The following MAF variants were observed in gnomAD, a reference collection of about 807,000 sequenced individuals.
The protein encoded by MAF is transcription factor Maf.
In MAF, 10 loss-of-function variants were observed where a neutral mutation model predicts 22.0. The observed-to-expected ratio is 0.45, with a 90% CI of 0.28 to 0.77. The LOEUF (loss-of-function observed/expected upper bound fraction) is 0.77. MAF is among the 30% of genes least tolerant of loss of function. MAF has a pLI of 0.12. For missense variants in MAF, 544 were observed against 548.4 expected, an observed-to-expected ratio of 0.99 and a Z score of 0.08; for synonymous variants, 337 against 255.8, an observed-to-expected ratio of 1.32 and a Z score of -3.03.
the MAF span, among the ~76,000 whole-genome samples, chr16:79,409,587 T>G: frequency 9.2e-5 from 14 of 152,336 alleles, no homozygotes; most frequent in African/African-American, 2.6e-4. Context: ...AGGAGTGATT[T>G]GATTTACACG....
chr16:79,409,118 G>T, the MAF span, among the ~76,000 whole-genome samples: 1 of 151,910 alleles, frequency 6.6e-6, no homozygotes, highest in Non-Finnish European at 1.5e-5. Context: ...TCAAACAAAA[G>T]GTGTCCAGGT....
chr16:79,537,533 C>T, the MAF span, among the ~76,000 whole-genome samples: 1 of 152,194 alleles, frequency 6.6e-6, no homozygotes, highest in African/African-American at 2.4e-5. Context: ...AGACTCATGC[C>T]TATGTTCCTG....
chr16:79,479,274 A>G, the MAF span, among the ~76,000 whole-genome samples: 2 of 152,128 alleles, frequency 1.3e-5, no homozygotes. Context: ...ATACCTTTCT[A>G]CCATCCTGTT....
the MAF span, among the ~76,000 whole-genome samples, chr16:79,540,350 C>T: frequency 3.3e-3 from 506 of 152,172 alleles, 4 homozygotes; most frequent in Non-Finnish European, 5.2e-3. Flanking sequence ...AGTCCCTGCG[C>T]TCTGGTGTCA....
At chr16:79,516,990 A>G in the MAF span, among the ~76,000 whole-genome samples, 8 of 152,194 alleles carry the variant, frequency 5.3e-5, no homozygotes, top group East Asian at 1.9e-4. Flanking sequence ...TCCACACTGA[A>G]TCTTCTAGGA....
At chr16:79,367,354 C>T in the MAF span, among the ~76,000 whole-genome samples, 2 of 152,144 alleles carry the variant, frequency 1.3e-5, no homozygotes, top group African/African-American at 4.8e-5. Flanking sequence ...GGCCTACCTT[C>T]TTTGGTTTGA....
chr16:79,413,561 T>C, the MAF span, among the ~76,000 whole-genome samples: 1 of 152,046 alleles, frequency 6.6e-6, no homozygotes, highest in South Asian at 2.1e-4. Flanking sequence ...CCAGTTACTT[T>C]ACCTCTCTGA....
At chr16:79,357,643 G>T in the MAF span, among the ~76,000 whole-genome samples, 1 of 152,060 alleles carries the variant, frequency 6.6e-6, no homozygotes, top group African/African-American at 2.4e-5. Flanking sequence ...TGTGGGTTGG[G>T]ACCATGGCTG....
At chr16:79,504,882 C>T in the MAF span, among the ~76,000 whole-genome samples, 15,558 of 152,198 alleles carry the variant, frequency 0.1, 1,107 homozygotes, top group Middle Eastern at 0.21. Flanking sequence ...ATGCCTTGTA[C>T]GAACACACAC....
the MAF span, among the ~76,000 whole-genome samples, chr16:79,525,094 T>C: frequency 6.6e-6 from 1 of 152,172 alleles, no homozygotes; most frequent in Non-Finnish European, 1.5e-5. Flanking sequence ...ATTCTGAAAA[T>C]ATACCTTCCT....
At chr16:79,507,945 C>T in the MAF span, among the ~76,000 whole-genome samples, 6 of 152,052 alleles carry the variant, frequency 3.9e-5, no homozygotes, top group African/African-American at 1.2e-4. Flanking sequence ...AAATCTCATT[C>T]TTTTTAAGTG....
the MAF span, among the ~76,000 whole-genome samples, chr16:79,431,652 G>A: frequency 1.3e-5 from 2 of 152,132 alleles, no homozygotes; most frequent in Non-Finnish European, 2.9e-5. Context: ...CTTCTTCCCT[G>A]ACGAATGCTA....
At chr16:79,213,931 C>A in the MAF span, among the ~76,000 whole-genome samples, 1 of 152,036 alleles carries the variant, frequency 6.6e-6, no homozygotes, top group South Asian at 2.1e-4. Flanking sequence ...CTCCAGCTAC[C>A]TCTCTAATCT....
the MAF span, among the ~76,000 whole-genome samples, chr16:79,213,407 G>A: frequency 1.1e-4 from 16 of 152,264 alleles, no homozygotes; most frequent in Middle Eastern, 3.4e-3. Context: ...TTGAAACTAT[G>A]AATCAGATAA....
chr16:79,406,128 G>A, the MAF span, among the ~76,000 whole-genome samples: 1 of 150,580 alleles, frequency 6.6e-6, no homozygotes, highest in East Asian at 2.0e-4. Flanking sequence ...ACTTCCAATT[G>A]CCCACAGTGA....
chr16:79,307,493 G>A, the MAF span, among the ~76,000 whole-genome samples: 1 of 152,152 alleles, frequency 6.6e-6, no homozygotes, highest in Admixed American at 6.5e-5. Context: ...TGTGCCTGTT[G>A]GAAACCAGAA....
At chr16:79,575,383 A>C in the MAF span, among the ~76,000 whole-genome samples, 4,209 of 152,270 alleles carry the variant, frequency 0.028, 69 homozygotes, top group African/African-American at 0.05. Flanking sequence ...CTTTTCTGAC[A>C]ATTCCTATAA....
chr16:79,372,219 T>G, the MAF span, among the ~76,000 whole-genome samples: 5 of 152,084 alleles, frequency 3.3e-5, no homozygotes, highest in South Asian at 1.0e-3. Flanking sequence ...GTCACAGAAT[T>G]AGTAGCACAC....
the MAF span, among the ~76,000 whole-genome samples, chr16:79,227,433 C>T: frequency 1.3e-5 from 2 of 152,086 alleles, no homozygotes; most frequent in African/African-American, 4.8e-5. Context: ...ACACCATCTC[C>T]CTGTGACTTT....
Sources: allele counts gnomAD v4.1 joint callset (sites outside exome capture counted in the v4.1 genomes callset), GRCh38; gene constraint gnomAD v4.1.1; transcripts MANE v1.5; gene names NCBI Gene and HGNC (gene_info 2026-07-23, HGNC 2026-07-21).